NR6A1: variants seen among roughly 807,000 people sequenced by gnomAD.
NR6A1 encodes the protein nuclear receptor subfamily 6 group A member 1.
In NR6A1, 7 loss-of-function variants were observed where a neutral mutation model predicts 59.1. The observed-to-expected ratio is 0.12, with a 90% CI of 0.07 to 0.22. The LOEUF is 0.22. Among genes scored for constraint, NR6A1 ranks in the 10% least tolerant of loss-of-function variants. The probability of loss-of-function intolerance (pLI) is 1.00; values close to 1 mark genes in which losing one functional copy is unlikely to be tolerated. For synonymous variants in NR6A1, 243 were observed against 236.1 expected (o/e 1.03, Z -0.27); for missense variants, 468 against 611.6 (o/e 0.77, Z 2.48).
rs556351081 is a variant in NR6A1, at chr9:124,581,619, C to T, written c.143-27049G>A. 3.9e-5 allele frequency among the ~76,000 whole-genome samples: 6 copies of T among 152,122 alleles called. No individual in the cohort carries two copies. In the South Asian group the frequency reaches 1.2e-3, roughly 32 times the overall value. On this transcript the variant is annotated intron_variant, in intron 2 of 9. Transcript: ENST00000487099. ...AAACAAACGAACAAACAAAAAGAAA[C>T]TATCATCAGAGTAAACAGACAACCT...
chr9:124,632,564 C>A (rs1217724408), intron 2 of NR6A1, among the ~76,000 whole-genome samples: 1 of 152,226 alleles, frequency 6.6e-6, no homozygotes, highest in Admixed American at 6.5e-5. Flanking sequence ...GATATTAGAC[C>A]TTTGTCAGAT....
intron 2 of NR6A1, among the ~76,000 whole-genome samples, chr9:124,568,281 T>C (rs999251346): frequency 7.0e-6 from 1 of 143,738 alleles, no homozygotes; most frequent in Non-Finnish European, 1.5e-5. Context: ...AGGTCAGGAG[T>C]TCGAGACCAG....
At chr9:124,655,269 CTT>C (rs1323228187) in intron 2 of NR6A1, among the ~76,000 whole-genome samples, 1 of 152,108 alleles carries the variant, frequency 6.6e-6, no homozygotes, top group Non-Finnish European at 1.5e-5. Flanking sequence ...CATAATGGCT[CTT>C]GAGTCAAGCG....
At chr9:124,654,990 C>A (rs1837216240) in intron 2 of NR6A1, among the ~76,000 whole-genome samples, 1 of 151,430 alleles carries the variant, frequency 6.6e-6, no homozygotes, top group Admixed American at 6.6e-5. Context: ...TTTAACTGCA[C>A]TTTCAAAATA....
intron 8 of NR6A1, among the ~76,000 whole-genome samples, chr9:124,525,675 A>T (rs554955853): frequency 6.6e-5 from 10 of 150,886 alleles, no homozygotes; most frequent in Middle Eastern, 3.4e-3. Flanking sequence ...TTTTCTAAAT[A>T]GATCTCTCTC....
chr9:124,526,632 G>T, intron 8 of NR6A1, 147 bp downstream of exon 8: 1 of 1,183,514 alleles, frequency 8.4e-7, no homozygotes, highest in Non-Finnish European at 1.2e-6. Flanking sequence ...ACAAGGGGGT[G>T]CACAAGTCTT....
intron 2 of NR6A1, among the ~76,000 whole-genome samples, chr9:124,732,858 G>A (rs572749350): frequency 8.0e-4 from 121 of 152,104 alleles, no homozygotes; most frequent in African/African-American, 2.7e-3. Context: ...CACCACGCCC[G>A]GCTGATTTTT....
chr9:124,557,520 A>C (rs552006285), intron 2 of NR6A1, among the ~76,000 whole-genome samples: 58 of 152,380 alleles, frequency 3.8e-4, no homozygotes, highest in Non-Finnish European at 5.6e-4. Flanking sequence ...CTATTAAGAA[A>C]AAAAAGATAC....
intron 2 of NR6A1, among the ~76,000 whole-genome samples, chr9:124,564,681 C>CTGTGTGTGTGTGTGTGTGTGTGTGTGTG (rs56301413): frequency 2.3e-4 from 35 of 149,396 alleles, no homozygotes; most frequent in African/African-American, 8.6e-4. Context: ...AATCCACACT[C>CTGTGTGTGTGTGTGTGTGTGTGTGTGTG]TGTGTGTGTG....
chr9:124,528,365 T>C (rs1054889841), intron 7 of NR6A1, among the ~76,000 whole-genome samples: 6 of 152,082 alleles, frequency 3.9e-5, no homozygotes, highest in Non-Finnish European at 8.8e-5. Flanking sequence ...AAATATTTTT[T>C]TTACAAAACA....
At chr9:124,530,967 GATA>G (rs1805679215) in intron 7 of NR6A1, among the ~76,000 whole-genome samples, 2 of 152,290 alleles carry the variant, frequency 1.3e-5, no homozygotes, top group Admixed American at 6.5e-5. Flanking sequence ...CTAGAACAGG[GATA>G]ATATTAGTGC....
chr9:124,681,399 T>C (rs1349553566), intron 2 of NR6A1, among the ~76,000 whole-genome samples: 1 of 143,304 alleles, frequency 7.0e-6, no homozygotes. Context: ...TGGAGTGCAA[T>C]GGTATGGTCT....
chr9:124,693,905 T>C, intron 2 of NR6A1: 1 of 398,804 alleles, frequency 2.5e-6, no homozygotes, highest in Non-Finnish European at 5.2e-6. Flanking sequence ...GCTTTTCTTG[T>C]TCTCCTTGGT....
intron 1 of NR6A1, among the ~76,000 whole-genome samples, chr9:124,739,492 T>C (rs1840115278): frequency 6.6e-6 from 1 of 152,228 alleles, no homozygotes; most frequent in African/African-American, 2.4e-5. Context: ...CTTGCTTCTG[T>C]AGCCCAGGCT....
chr9:124,602,855 TTC>T (rs1289026470), intron 2 of NR6A1, among the ~76,000 whole-genome samples: 1 of 152,192 alleles, frequency 6.6e-6, no homozygotes, highest in Non-Finnish European at 1.5e-5. Flanking sequence ...TCTTCCTGAC[TTC>T]TCCAGCTTCA....
At chr9:124,769,786 C>CG (rs942203529) in intron 1 of NR6A1, among the ~76,000 whole-genome samples, 8 of 152,322 alleles carry the variant, frequency 5.3e-5, no homozygotes, top group Admixed American at 2.6e-4. Context: ...GAGCGTTTGC[C>CG]GGCCGGTGCG....
intron 2 of NR6A1, among the ~76,000 whole-genome samples, chr9:124,700,984 C>G (rs1388010388): frequency 1.3e-5 from 2 of 152,152 alleles, no homozygotes; most frequent in Non-Finnish European, 2.9e-5. Flanking sequence ...GGGTCTCAAA[C>G]TCCTGACCTC....
chr9:124,633,325 C>A (rs1046270192), intron 2 of NR6A1, among the ~76,000 whole-genome samples: 2 of 149,048 alleles, frequency 1.3e-5, no homozygotes, highest in Non-Finnish European at 3.0e-5. Flanking sequence ...ATGGCGTGAA[C>A]CCGGGAGGCG....
At chr9:124,697,712 A>C (rs901377046) in intron 2 of NR6A1, among the ~76,000 whole-genome samples, 1 of 152,208 alleles carries the variant, frequency 6.6e-6, no homozygotes. Flanking sequence ...TAGTTTTGGA[A>C]AGAACAATTT....
Sources: gnomAD v4.1 joint callset for allele counts (sites outside exome capture counted in the v4.1 genomes callset) on GRCh38, gnomAD v4.1.1 for gene constraint, MANE v1.5 for transcripts, NCBI Gene and HGNC (gene_info 2026-07-23, HGNC 2026-07-21) for gene names.